CTNNA2: variants seen among roughly 807,000 people sequenced by gnomAD.
CTNNA2 encodes the protein catenin alpha-2.
A neutral mutation model predicts 101.0 loss-of-function variants in CTNNA2; 42 were observed. That is an observed-to-expected ratio of 0.42 (90% CI 0.32 to 0.54). CTNNA2 has a LOEUF of 0.54. CTNNA2 is among the 20% of genes least tolerant of loss of function. The pLI, the probability that CTNNA2 is intolerant of heterozygous loss-of-function variation, is 0.14. For missense variants in CTNNA2, 871 were observed against 1,223.1 expected (o/e 0.71, Z 4.29); for synonymous variants, 450 against 456.4 (o/e 0.99, Z 0.18).
At chr2:80,368,523 T>A (rs1200637659) in intron 7 of CTNNA2, among the ~76,000 whole-genome samples, 1 of 152,056 alleles carries the variant, frequency 6.6e-6, no homozygotes, top group East Asian at 1.9e-4. Context: ...TTGCTTCAGT[T>A]TAGAAAGCAG....
At chr2:79,229,439 C>T (rs534609760) in intron 2 of CTNNA2, among the ~76,000 whole-genome samples, 1 of 152,272 alleles carries the variant, frequency 6.6e-6, no homozygotes, top group Admixed American at 6.5e-5. Flanking sequence ...GTTTCCTCCT[C>T]ATTCTCTCTT....
At chr2:79,421,658 T>G (rs1313931015) in intron 4 of CTNNA2, among the ~76,000 whole-genome samples, 1 of 152,130 alleles carries the variant, frequency 6.6e-6, no homozygotes, top group Non-Finnish European at 1.5e-5. Context: ...TTGTATTTAA[T>G]TAGAAATTAG....
chr2:79,434,295 C>CAAAAAAAAAAAAAAAAAAG (rs1558665779), intron 4 of CTNNA2, among the ~76,000 whole-genome samples: 1 of 95,494 alleles, frequency 1.0e-5, no homozygotes, highest in Non-Finnish European at 2.2e-5. Context: ...GAGACTCTGT[C>CAAAAAAAAAAAAAAAAAAG]AAAAAAAAAA....
At chr2:79,217,427 G>T (rs1674280850) in intron 2 of CTNNA2, among the ~76,000 whole-genome samples, 1 of 152,116 alleles carries the variant, frequency 6.6e-6, no homozygotes, top group African/African-American at 2.4e-5. Flanking sequence ...GGGAGATAGA[G>T]GTGGGGCCGT....
At chr2:80,271,987 G>A (rs1018856356) in intron 7 of CTNNA2, among the ~76,000 whole-genome samples, 3 of 152,168 alleles carry the variant, frequency 2.0e-5, no homozygotes, top group Admixed American at 6.5e-5. Flanking sequence ...CCCCGGTTAG[G>A]TTGGATTCCA....
At chr2:79,374,012 A>C (rs1433187530) in exon 4 of CTNNA2, 1 of 152,162 alleles carries the variant, frequency 6.6e-6, no homozygotes. Flanking sequence ...CTGAACCTAA[A>C]GGCAAGACCT....
intron 2 of CTNNA2, among the ~76,000 whole-genome samples, chr2:79,730,454 AT>A (rs59273547): frequency 6.6e-5 from 10 of 151,276 alleles, no homozygotes; most frequent in East Asian, 3.9e-4. Context: ...TAATGGAGAG[AT>A]TTTTTTTTCT....
chr2:80,620,677 C>G (rs1671032548), intron 18 of CTNNA2, among the ~76,000 whole-genome samples: 1 of 151,868 alleles, frequency 6.6e-6, no homozygotes, highest in Non-Finnish European at 1.5e-5. Flanking sequence ...TCTGACCTAC[C>G]TTCCATTAAA....
intron 5 of CTNNA2, among the ~76,000 whole-genome samples, chr2:79,871,935 T>C (rs1682615558): frequency 6.6e-6 from 1 of 152,216 alleles, no homozygotes; most frequent in Admixed American, 6.5e-5. Context: ...ATTAATACTT[T>C]GTTTTTAATT....
chr2:79,874,365 CAG>C (rs1270024936), intron 6 of CTNNA2, 23 bp downstream of exon 6: 1 of 1,607,532 alleles, frequency 6.2e-7, no homozygotes, highest in South Asian at 1.1e-5. Flanking sequence ...GTGAGGTACA[CAG>C]AGGGGTGGGC....
chr2:79,532,656 G>A (rs1672815344), intron 1 of CTNNA2, among the ~76,000 whole-genome samples: 2 of 151,716 alleles, frequency 1.3e-5, no homozygotes, highest in African/African-American at 4.8e-5. Flanking sequence ...AAACCGCCAA[G>A]CTGCTGCTTA....
intron 7 of CTNNA2, among the ~76,000 whole-genome samples, chr2:79,934,067 T>C (rs539129968): frequency 6.6e-6 from 1 of 152,354 alleles, no homozygotes; most frequent in East Asian, 1.9e-4. Flanking sequence ...GAATATTTTA[T>C]TTATGTATAA....
chr2:79,758,018 A>C (rs969702098), intron 3 of CTNNA2, among the ~76,000 whole-genome samples: 4 of 152,202 alleles, frequency 2.6e-5, no homozygotes, highest in Non-Finnish European at 5.9e-5. Flanking sequence ...CTGACACATC[A>C]GTTGTAAAGT....
intron 1 of CTNNA2, among the ~76,000 whole-genome samples, chr2:79,584,386 C>T (rs1195686327): frequency 6.6e-6 from 1 of 151,340 alleles, no homozygotes; most frequent in Non-Finnish European, 1.5e-5. Context: ...TTGTCTTTTT[C>T]TTTTAGTGTC....
At chr2:80,093,466 C>T (rs1411588350) in intron 7 of CTNNA2, among the ~76,000 whole-genome samples, 3 of 152,110 alleles carry the variant, frequency 2.0e-5, no homozygotes, top group Admixed American at 6.6e-5. Flanking sequence ...AATAAACATA[C>T]GTGTGTATGT....
chr2:80,386,279 T>C (rs1420047166), intron 7 of CTNNA2, among the ~76,000 whole-genome samples: 1 of 152,180 alleles, frequency 6.6e-6, no homozygotes, highest in Non-Finnish European at 1.5e-5. Flanking sequence ...GGTCAGAGTA[T>C]GTTGATTATA....
At chr2:80,376,970 C>T (rs1676015723) in intron 7 of CTNNA2, among the ~76,000 whole-genome samples, 1 of 152,186 alleles carries the variant, frequency 6.6e-6, no homozygotes, top group Admixed American at 6.5e-5. Flanking sequence ...AGGAATCAGT[C>T]CCCAGCATTT....
chr2:79,544,371 A>G (rs1410094508), intron 1 of CTNNA2, among the ~76,000 whole-genome samples: 4 of 152,240 alleles, frequency 2.6e-5, no homozygotes, highest in Non-Finnish European at 1.5e-5. Context: ...TGGCTTGGGA[A>G]GCCATGAACA....
At chr2:80,439,901 A>G (rs1251586464) in intron 9 of CTNNA2, among the ~76,000 whole-genome samples, 2 of 152,254 alleles carry the variant, frequency 1.3e-5, no homozygotes, top group South Asian at 2.1e-4. Flanking sequence ...CTATGTGCCA[A>G]TAGTATTCTG....
Sources: allele counts gnomAD v4.1 joint callset (sites outside exome capture counted in the v4.1 genomes callset), GRCh38; gene constraint gnomAD v4.1.1; transcripts MANE v1.5; gene names NCBI Gene and HGNC (gene_info 2026-07-23, HGNC 2026-07-21).